ARHGAP15: variants seen among roughly 807,000 people sequenced by gnomAD.
ARHGAP15 encodes the protein rho GTPase-activating protein 15.
In ARHGAP15, 51 loss-of-function variants were observed where a neutral mutation model predicts 63.7. The observed-to-expected ratio is 0.80, with a 90% CI of 0.64 to 1.01. ARHGAP15 has a LOEUF of 1.01. Among genes scored for constraint, ARHGAP15 ranks in the 50% least tolerant of loss-of-function variants. The probability of loss-of-function intolerance (pLI) is 0.00; values close to 1 mark genes in which losing one functional copy is unlikely to be tolerated. For synonymous variants in ARHGAP15, 191 were observed against 193.8 expected (o/e 0.99, Z 0.12); for missense variants, 560 against 564.6 (o/e 0.99, Z 0.08).
chr2:143,695,933 C>A (rs1400716649), intron 12 of ARHGAP15, among the ~76,000 whole-genome samples: 1 of 151,528 alleles, frequency 6.6e-6, no homozygotes, highest in African/African-American at 2.4e-5. Context: ...AATGTGAGAT[C>A]ATAGTGCATC....
intron 11 of ARHGAP15, among the ~76,000 whole-genome samples, chr2:143,589,644 G>C (rs1697247163): frequency 6.6e-6 from 1 of 152,090 alleles, no homozygotes. Flanking sequence ...TTTAGGTCTA[G>C]GGTAGGCTTC....
At chr2:143,176,006 C>T (rs1269429941) in intron 2 of ARHGAP15, among the ~76,000 whole-genome samples, 1 of 152,074 alleles carries the variant, frequency 6.6e-6, no homozygotes, top group African/African-American at 2.4e-5. Flanking sequence ...GTATGTCTGT[C>T]TAGAGACTAT....
chr2:143,660,098 C>A (rs896247541), intron 12 of ARHGAP15, among the ~76,000 whole-genome samples: 6 of 152,148 alleles, frequency 3.9e-5, no homozygotes, highest in African/African-American at 1.4e-4. Flanking sequence ...AGAATAATTG[C>A]AAACTTCATA....
chr2:143,188,711 C>G (rs1371446374), intron 2 of ARHGAP15, among the ~76,000 whole-genome samples: 1 of 151,718 alleles, frequency 6.6e-6, no homozygotes, highest in African/African-American at 2.4e-5. Flanking sequence ...ACCTCTGCCT[C>G]CCAGGTTCAA....
chr2:143,601,115 G>C (rs1697753033), intron 11 of ARHGAP15, among the ~76,000 whole-genome samples: 1 of 152,076 alleles, frequency 6.6e-6, no homozygotes, highest in African/African-American at 2.4e-5. Context: ...GGTCTTCATA[G>C]CTTAGAATAA....
chr2:143,511,392 A>AAGG (rs1263264107), intron 9 of ARHGAP15, among the ~76,000 whole-genome samples: 1 of 152,330 alleles, frequency 6.6e-6, no homozygotes, highest in East Asian at 1.9e-4. Context: ...CACACTGGCC[A>AAGG]AGGTCACAGG....
intron 6 of ARHGAP15, among the ~76,000 whole-genome samples, chr2:143,388,036 A>C (rs987930847): frequency 6.6e-6 from 1 of 152,192 alleles, no homozygotes; most frequent in East Asian, 1.9e-4. Context: ...TCTTTCTAAA[A>C]TGTTATTAAC....
chr2:143,417,753 G>A (rs1216655965), intron 6 of ARHGAP15, among the ~76,000 whole-genome samples: 1 of 152,152 alleles, frequency 6.6e-6, no homozygotes, highest in Non-Finnish European at 1.5e-5. Context: ...TGCACTCAAA[G>A]TTATAGGCTT....
At chr2:143,332,442 A>G (rs1684589845) in intron 6 of ARHGAP15, among the ~76,000 whole-genome samples, 1 of 152,156 alleles carries the variant, frequency 6.6e-6, no homozygotes. Flanking sequence ...TTTATGCTTT[A>G]TATTGTATCT....
chr2:143,310,952 G>A (rs1235666473), intron 6 of ARHGAP15, among the ~76,000 whole-genome samples: 1 of 152,004 alleles, frequency 6.6e-6, no homozygotes, highest in Non-Finnish European at 1.5e-5. Context: ...TCTTTTGTCT[G>A]AGATCATGTT....
intron 8 of ARHGAP15, among the ~76,000 whole-genome samples, chr2:143,484,365 C>CAAA (rs377516856): frequency 0.068 from 8,521 of 125,202 alleles, 468 homozygotes; most frequent in East Asian, 0.22. Context: ...GACTCCATCT[C>CAAA]AAAAAAAAAA....
At chr2:143,320,408 A>ACCCCCCCCCCCCCCC (rs1157521605) in intron 6 of ARHGAP15, among the ~76,000 whole-genome samples, 1 of 26,270 alleles carries the variant, frequency 3.8e-5, no homozygotes, top group African/African-American at 1.1e-4. Flanking sequence ...GGACTTCCCC[A>ACCCCCCCCCCCCCCC]CCCCCCCCCC....
At chr2:143,460,309 G>T (rs940441703) in intron 8 of ARHGAP15, among the ~76,000 whole-genome samples, 2 of 152,064 alleles carry the variant, frequency 1.3e-5, no homozygotes, top group African/African-American at 4.8e-5. Flanking sequence ...TCTGAGGTTT[G>T]CTCACACGAA....
chr2:143,387,176 C>A (rs953551143), intron 6 of ARHGAP15, among the ~76,000 whole-genome samples: 2 of 151,942 alleles, frequency 1.3e-5, no homozygotes, highest in Non-Finnish European at 1.5e-5. Flanking sequence ...ATCATTAATT[C>A]CTAGGGAAAA....
chr2:143,411,566 T>A lies in ARHGAP15; in HGVS notation c.475-24035T>A, dbSNP rs561795437. On this transcript the variant is annotated intron_variant, in intron 6 of 13. Transcript: ENST00000295095. ...TTATTGAATATAAGGACCCTATGTG[T>A]TCATCTTTTTCTTGTGTACAAAAGC... Among the ~76,000 whole-genome samples the A allele has an allele frequency of 3.9e-5, 6 of 152,336 alleles. No individual in the cohort carries two copies. In the South Asian group the frequency reaches 1.2e-3, roughly 32 times the overall value.
At chr2:143,227,077 T>C (rs1453632860) in intron 4 of ARHGAP15, among the ~76,000 whole-genome samples, 1 of 152,218 alleles carries the variant, frequency 6.6e-6, no homozygotes, top group East Asian at 1.9e-4. Flanking sequence ...TTGAAGTGAA[T>C]GTTAAGCTGA....
chr2:143,528,868 G>A (rs1267374147), intron 10 of ARHGAP15, among the ~76,000 whole-genome samples: 1 of 152,000 alleles, frequency 6.6e-6, no homozygotes, highest in African/African-American at 2.4e-5. Flanking sequence ...GTCTAATATT[G>A]GAGTCCATGT....
intron 6 of ARHGAP15, among the ~76,000 whole-genome samples, chr2:143,286,710 T>A (rs1574214137): frequency 1.3e-5 from 2 of 152,098 alleles, no homozygotes. Flanking sequence ...CGGCAGGAAA[T>A]CATAAATTTG....
Position 143,229,630 on chromosome 2 carries a change from G to T in ARHGAP15, c.384+962G>T, listed in dbSNP as rs1050652200. On this transcript the variant is annotated intron_variant, in intron 5 of 13. Coordinates refer to ENST00000295095, the MANE Select transcript of ARHGAP15 (RefSeq NM_018460.4). ...CCTGCCACAGCCCATCGGCCTGATG[G>T]ATGATAAGGAAAGGGGTCGCCTGGC... is the stretch of plus-strand genomic sequence containing the variant. Among the ~76,000 whole-genome samples the T allele has an allele frequency of 2.0e-5, 3 of 152,162 alleles. No individual in the cohort carries two copies. In the South Asian group the frequency reaches 6.2e-4, roughly 32 times the overall value.
Sources: gnomAD v4.1 joint callset for allele counts (sites outside exome capture counted in the v4.1 genomes callset) on GRCh38, gnomAD v4.1.1 for gene constraint, MANE v1.5 for transcripts, NCBI Gene and HGNC (gene_info 2026-07-23, HGNC 2026-07-21) for gene names.